The following DOCK3 variants were observed in gnomAD, a reference collection of about 807,000 sequenced individuals.
The protein encoded by DOCK3 is dedicator of cytokinesis 3, also known as dedicator of cytokinesis protein 3.
A neutral mutation model predicts 265.6 loss-of-function variants in DOCK3; 60 were observed. That is an observed-to-expected ratio of 0.23 (90% confidence interval 0.18 to 0.28). The LOEUF (loss-of-function observed/expected upper bound fraction) is 0.28, where lower values mean the gene tolerates loss of function less well. DOCK3 is among the 10% of genes least tolerant of loss of function. DOCK3 has a pLI of 1.00. For missense variants in DOCK3, 1,981 were observed against 2,594.3 expected (o/e 0.76, Z 5.14); for synonymous variants, 881 against 938.0 (o/e 0.94, Z 1.11).
intron 3 of DOCK3, among the ~76,000 whole-genome samples, chr3:50,843,344 G>A (rs1575332793): frequency 2.0e-5 from 3 of 152,200 alleles, no homozygotes; most frequent in Admixed American, 2.0e-4. Context: ...TCTTGGCAGG[G>A]TTGGCTGGAA....
chr3:50,968,330 CT>C (rs1300542832), intron 5 of DOCK3, among the ~76,000 whole-genome samples: 4 of 152,076 alleles, frequency 2.6e-5, no homozygotes, highest in Non-Finnish European at 5.9e-5. Context: ...CCATGCCTAC[CT>C]CTGTTTTTAA....
At chr3:50,955,780 T>C (rs1194003309) in intron 5 of DOCK3, among the ~76,000 whole-genome samples, 2 of 152,092 alleles carry the variant, frequency 1.3e-5, no homozygotes, top group East Asian at 3.9e-4. Flanking sequence ...AACAAACTCC[T>C]GTGACATGAG....
chr3:51,322,339 A>G (rs1426902233), intron 32 of DOCK3, among the ~76,000 whole-genome samples: 1 of 152,054 alleles, frequency 6.6e-6, no homozygotes, highest in Non-Finnish European at 1.5e-5. Flanking sequence ...AGAAGCTGGG[A>G]CTACAGGTGC....
chr3:50,989,976 T>C (rs1433703451), intron 5 of DOCK3, among the ~76,000 whole-genome samples: 1 of 152,130 alleles, frequency 6.6e-6, no homozygotes, highest in Non-Finnish European at 1.5e-5. Flanking sequence ...CTGACAGAGC[T>C]GAAATAACAC....
chr3:50,830,519 A>C (rs1395881829), intron 2 of DOCK3, among the ~76,000 whole-genome samples: 1 of 152,198 alleles, frequency 6.6e-6, no homozygotes, highest in Admixed American at 6.5e-5. Context: ...CTTCTTATCA[A>C]AGGGGTATTT....
intron 5 of DOCK3, among the ~76,000 whole-genome samples, chr3:50,942,867 G>A (rs1355347999): frequency 2.0e-5 from 3 of 151,932 alleles, no homozygotes; most frequent in African/African-American, 7.2e-5. Context: ...TTTAGCATTT[G>A]AAGTGAGATG....
intron 5 of DOCK3, among the ~76,000 whole-genome samples, chr3:51,062,095 C>A (rs1474301911): frequency 6.6e-6 from 1 of 152,126 alleles, no homozygotes; most frequent in African/African-American, 2.4e-5. Context: ...CACTAAATAG[C>A]CTCCTGACTG....
At chr3:51,330,441 C>T (rs2084439623) in intron 33 of DOCK3, among the ~76,000 whole-genome samples, 1 of 152,176 alleles carries the variant, frequency 6.6e-6, no homozygotes, top group African/African-American at 2.4e-5. Context: ...AACAGGTAAT[C>T]TCTGAGCTCC....
intron 3 of DOCK3, among the ~76,000 whole-genome samples, chr3:50,871,875 T>C (rs2047448979): frequency 6.6e-6 from 1 of 152,194 alleles, no homozygotes; most frequent in South Asian, 2.1e-4. Flanking sequence ...AATTTTGGCT[T>C]GATTATTTTA....
chr3:50,868,901 GTTT>G (rs147898866), intron 3 of DOCK3, among the ~76,000 whole-genome samples: 1 of 14,266 alleles, frequency 7.0e-5, no homozygotes, highest in African/African-American at 2.4e-4. Flanking sequence ...TGGATAATCT[GTTT>G]TTTTTTTTTT....
intron 1 of DOCK3, among the ~76,000 whole-genome samples, chr3:50,746,832 A>C (rs955738311): frequency 5.3e-5 from 8 of 152,210 alleles, no homozygotes; most frequent in African/African-American, 9.7e-5. Flanking sequence ...GGCACCACCA[A>C]GACATTCATG....
At chr3:50,949,524 C>T (rs1435162752) in intron 5 of DOCK3, among the ~76,000 whole-genome samples, 1 of 152,032 alleles carries the variant, frequency 6.6e-6, no homozygotes, top group Non-Finnish European at 1.5e-5. Context: ...TTCTTCAATC[C>T]TTTTGTCTGC....
At chr3:50,899,094 A>G (rs1575478302) in intron 4 of DOCK3, among the ~76,000 whole-genome samples, 1 of 152,246 alleles carries the variant, frequency 6.6e-6, no homozygotes, top group South Asian at 2.1e-4. Context: ...ATCTCCCACT[A>G]TTATTGTGTG....
At chr3:50,765,217 G>C (rs901106003) in intron 1 of DOCK3, among the ~76,000 whole-genome samples, 2 of 151,294 alleles carry the variant, frequency 1.3e-5, no homozygotes, top group African/African-American at 2.4e-5. Flanking sequence ...GAATAGCTGG[G>C]ATTACAGGCA....
intron 5 of DOCK3, among the ~76,000 whole-genome samples, chr3:50,943,575 C>G (rs1012921795): frequency 1.3e-5 from 2 of 151,878 alleles, no homozygotes; most frequent in Non-Finnish European, 2.9e-5. Flanking sequence ...TTTTCTTTTT[C>G]TTATCTATTT....
At chr3:50,723,280 C>G (rs2883652) in intron 1 of DOCK3, among the ~76,000 whole-genome samples, 137,884 of 152,264 alleles carry the variant, frequency 0.91, 62,590 homozygotes, top group African/African-American at 0.95. Context: ...GCTAAAGAGA[C>G]CTTCTGAGAT....
intron 2 of DOCK3, among the ~76,000 whole-genome samples, chr3:50,820,250 A>T (rs4464450): frequency 1.3e-5 from 2 of 152,192 alleles, no homozygotes; most frequent in African/African-American, 4.8e-5. Context: ...TCCTTCCTGC[A>T]TGAAGCCAAG....
In DOCK3 at chr3:51,260,223, T is replaced by A. The variant is rs527531549; in HGVS notation, c.2252T>A (p.Met751Lys). 1.2e-6 allele frequency: 2 copies of A among 1,613,836 alleles called. No homozygotes were observed. Among genetic ancestry groups the A allele is most frequent in the Non-Finnish European group, 1.7e-6 (2 of 1,179,886 alleles). The change falls in exon 23 of 53, where the codon ATG (methionine) becomes AAG (lysine). Residue 751 changes from methionine to lysine, a missense_variant. Transcript: ENST00000266037. ...RILYSRATCG[M>K]EEEQFRSSIQ... is the part of the protein sequence containing the mutation. ...CTGTACTCACGAGCCACTTGTGGAA[T>A]GGAAGAGGAACAATTCAGATCCAGT... is the stretch of plus-strand genomic sequence containing the variant.
intron 9 of DOCK3, among the ~76,000 whole-genome samples, chr3:51,138,154 T>C (rs2084891362): frequency 6.6e-6 from 1 of 152,204 alleles, no homozygotes; most frequent in African/African-American, 2.4e-5. Flanking sequence ...TAGAAACCTG[T>C]CTGTGTTCAA....
Sources: gnomAD v4.1 joint callset for allele counts (sites outside exome capture counted in the v4.1 genomes callset) on GRCh38, gnomAD v4.1.1 for gene constraint, MANE v1.5 for transcripts, NCBI Gene and HGNC (gene_info 2026-07-23, HGNC 2026-07-21) for gene names.